Variants in STC2 observed in about 807,000 individuals in gnomAD.
The protein encoded by STC2 is stanniocalcin-2.
Under a neutral mutation model 22.7 loss-of-function variants are expected in STC2, and 7 were observed. The ratio of observed to expected loss-of-function variants is 0.31; its 90% CI spans 0.18 to 0.58. The LOEUF is 0.58. STC2 is among the 20% of genes least tolerant of loss of function. STC2 has a pLI of 0.89. For synonymous variants in STC2, 158 were observed against 163.4 expected, an observed-to-expected ratio of 0.97 and a Z score of 0.25; for missense variants, 336 against 406.2, an observed-to-expected ratio of 0.83 and a Z score of 1.48.
intron 3 of STC2, among the ~76,000 whole-genome samples, chr5:173,321,114 G>A (rs1403126223): frequency 6.6e-6 from 1 of 152,026 alleles, no homozygotes; most frequent in Admixed American, 6.6e-5. Context: ...AGCAGGCTGG[G>A]GTGGGGGGTC....
At position 173,316,973 on chromosome 5, in the gene STC2, T is replaced by C. The variant is rs1762428581; in HGVS notation, c.*874A>G. 1.3e-5 allele frequency: 2 copies of C among 151,680 alleles called. No individual in the cohort carries two copies. The allele number at this position is 151,680 out of a possible 1,614,324, so 9.4% of individuals were successfully genotyped here. On this transcript the variant is annotated 3_prime_UTR_variant, in exon 4 of 4. Coordinates refer to ENST00000265087, the MANE Select transcript of STC2 (RefSeq NM_003714.3). ...TGTCGCTGTTTGATAGCTTTTAAAA[T>C]AGAACTTAAAAAAAAGAAAAATCAG...
intron 1 of STC2, chr5:173,326,777 A>C (rs960643351): frequency 6.6e-6 from 1 of 152,198 alleles, no homozygotes; most frequent in Non-Finnish European, 1.5e-5. Flanking sequence ...TGTGGCCCCC[A>C]GTCCTCTCTC....
At chr5:173,326,732 G>T (rs149449270) in intron 1 of STC2, 1 of 152,022 alleles carries the variant, frequency 6.6e-6, no homozygotes, top group Non-Finnish European at 1.5e-5. Flanking sequence ...TAGAATTCCC[G>T]CAGCCCGGGA....
intron 2 of STC2, among the ~76,000 whole-genome samples, chr5:173,324,646 T>C (rs186534478): frequency 1.3e-5 from 2 of 152,312 alleles, no homozygotes; most frequent in African/African-American, 4.8e-5. Context: ...GTGCTGAGCA[T>C]CAACTTGAAA....
chr5:173,323,228 A>T lies in STC2; in HGVS notation c.497T>A (p.Leu166Gln). Reference sequence around the variant, plus strand: ...GCGGGGCAGTACTCACTCGTGCAGCAGCAAGTCCTTGAAATGGATCATCTC... The same window carrying T: ...GCGGGGCAGTACTCACTCGTGCAGCTGCAAGTCCTTGAAATGGATCATCTC... ...IVEMIHFKDL[L>Q]LHEPYVDLVN... Residue 166 changes from leucine (L) to glutamine (Q), a missense_variant, in exon 3 of 4, where the codon CTG (leucine) becomes CAG (glutamine). By Grantham distance (113) the Leu-to-Gln change is moderately radical (BLOSUM62 -2). This residue lies in a region of STC2 where 215 missense variants were observed against 231.5 expected (regional missense o/e 0.93). Coordinates refer to ENST00000265087, the MANE Select transcript of STC2 (RefSeq NM_003714.3). This position sits in a 1 kb window ranked among gnomAD's most constrained non-coding sequence, Gnocchi z 5.4. The T allele has an allele frequency of 6.2e-7, 1 of 1,614,190 alleles. No individual in the cohort carries two copies. Among genetic ancestry groups the T allele is most frequent in the South Asian group, 1.1e-5 (1 of 91,078 alleles).
rs199859079 is a variant in STC2, at chr5:173,326,010, G to A, written c.152C>T (p.Ala51Val). 43 of 1,613,896 alleles carry A rather than the reference G, an allele frequency of 2.7e-5. No individual in the cohort carries two copies. The highest frequency in any genetic ancestry group is 8.3e-5 in the Admixed American group (5 of 60,004). ...QKGRLSLQNT[A>V]EIQHCLVNAG... ...GTTGACCAAACAGTGCTGGATCTCC[G>A]CTAAAAGGAAAATCACATACAAATA... Residue 51 changes from alanine to valine, a missense_variant and splice_region_variant, in exon 2 of 4, where the codon GCG (alanine) becomes GTG (valine). By Grantham distance (64) the Ala-to-Val change is moderately conservative (BLOSUM62 0). Coordinates refer to ENST00000265087, the MANE Select transcript of STC2 (RefSeq NM_003714.3).
At chr5:173,322,583 G>A (rs1762500613) in intron 3 of STC2, among the ~76,000 whole-genome samples, 1 of 152,194 alleles carries the variant, frequency 6.6e-6, no homozygotes, top group Non-Finnish European at 1.5e-5. Flanking sequence ...ACCTTCTAAG[G>A]GAAAGGAAAG....
intron 3 of STC2, among the ~76,000 whole-genome samples, chr5:173,319,951 G>A (rs764345077): frequency 6.6e-6 from 1 of 152,234 alleles, no homozygotes; most frequent in Non-Finnish European, 1.5e-5. Flanking sequence ...AGGTGGGCAG[G>A]TGGGCATGCA....
intron 3 of STC2, among the ~76,000 whole-genome samples, chr5:173,320,504 G>A (rs1461901003): frequency 6.6e-6 from 1 of 152,188 alleles, no homozygotes; most frequent in African/African-American, 2.4e-5. Flanking sequence ...GTGTCAGCAA[G>A]CCTAAAGGAT....
At chr5:173,319,894 C>A (rs554911225) in intron 3 of STC2, among the ~76,000 whole-genome samples, 1 of 152,328 alleles carries the variant, frequency 6.6e-6, no homozygotes, top group East Asian at 1.9e-4. Context: ...CTAAGGCAGG[C>A]CCCTGACAGC....
rs1297669658 is a variant in STC2 at position 173,325,858 on chromosome 5, G to A, written c.294+10C>T. On this transcript the variant is annotated intron_variant, in intron 2 of 3. Transcript: ENST00000265087. The surrounding 1 kb of genome is among the most constrained non-coding windows in gnomAD (Gnocchi z 4.7). ...CCCAAACATTCTTCATGCTCTGGAT[G>A]GATTTTTACCTGGGCATCAAATTTT... 6 of 1,614,082 alleles carry A rather than the reference G, an allele frequency of 3.7e-6. No homozygotes were observed. The South Asian group carries it at 5.5e-5, about 15-fold the overall frequency.
intron 1 of STC2, 33 bp downstream of exon 1, chr5:173,328,009 AG>A: frequency 7.0e-7 from 1 of 1,433,338 alleles, no homozygotes; most frequent in Non-Finnish European, 9.2e-7. Context: ...GTCCTCTCCC[AG>A]TAGCTCCCGG....
At position 173,325,275 on chromosome 5, in the gene STC2, G is replaced by A. The variant is rs1200190733; in HGVS notation, c.294+593C>T. Among the ~76,000 whole-genome samples the A allele has an allele frequency of 6.6e-6, 1 of 152,188 alleles. No individual in the cohort carries two copies. The highest frequency in any genetic ancestry group is 2.4e-5 in the African/African-American group (1 of 41,440). On this transcript the variant is annotated intron_variant, in intron 2 of 3. Coordinates refer to ENST00000265087, the MANE Select transcript of STC2 (RefSeq NM_003714.3). This position sits in a 1 kb window ranked among gnomAD's most constrained non-coding sequence, Gnocchi z 4.7. ...CTGCCTTGCCCTGAGCAGCAACTCC[G>A]CGTTCCCCTTGGGACCCTGGGATAA...
chr5:173,324,678 C>T (rs761420005), intron 2 of STC2, among the ~76,000 whole-genome samples: 4 of 152,148 alleles, frequency 2.6e-5, no homozygotes, highest in East Asian at 1.9e-4. Flanking sequence ...AACTTGAGAA[C>T]GTATTCCTGT....
Position 173,317,778 on chromosome 5 carries a change from GT to G in STC2, c.*68del. 1 of 1,493,668 alleles carries G rather than the reference GT, an allele frequency of 6.7e-7. No individual in the cohort carries two copies. Among genetic ancestry groups the G allele is most frequent in the Non-Finnish European group, 8.9e-7 (1 of 1,118,820 alleles). The allele number at this position is 1,493,668 out of a possible 1,614,324, so 92.5% of individuals were successfully genotyped here. ...ACATCCCCCCTCTCTAATGGTAAAT[GT>G]TTTGGAATGTCCATAGATAAGAAAA... is the stretch of plus-strand genomic sequence containing the variant. On this transcript the variant is annotated 3_prime_UTR_variant, in exon 4 of 4. Coordinates refer to ENST00000265087, the MANE Select transcript of STC2 (RefSeq NM_003714.3).
In STC2 at chr5:173,317,930, C is replaced by A. The variant is rs137947483; in HGVS notation, c.826G>T (p.Val276Phe). ...GGTCCCTGAGCCCCAAGGCCCCCGA[C>A]TCTGCCTCGGGCATGGGCGTTTGGG... is the stretch of plus-strand genomic sequence containing the variant. ...SHPNAHARGR[V>F]GGLGAQGPSG... is the part of the protein sequence containing the mutation. Residue 276 changes from valine (V) to phenylalanine (F), a missense_variant, in exon 4 of 4, where the codon GTC becomes TTC. Val to Phe is a conservative substitution (Grantham distance 50, BLOSUM62 -1). This residue lies in a region of STC2 where 215 missense variants were observed against 231.5 expected (regional missense o/e 0.93). Transcript: ENST00000265087. 69 of 1,613,320 alleles carry A rather than the reference C, an allele frequency of 4.3e-5. No homozygotes were observed. The highest frequency in any genetic ancestry group is 5.8e-5 in the Non-Finnish European group (68 of 1,179,800).
chr5:173,323,185 C>T lies in STC2; in HGVS notation c.506+34G>A, dbSNP rs904399927. 1.4e-5 allele frequency: 22 copies of T among 1,609,110 alleles called. No individual in the cohort carries two copies. The highest frequency in any genetic ancestry group is 6.7e-5 in the East Asian group (3 of 44,778). On this transcript the variant is annotated intron_variant, in intron 3 of 3. Transcript: ENST00000265087. This position sits in a 1 kb window ranked among gnomAD's most constrained non-coding sequence, Gnocchi z 5.4. ...ACATTGCCATCCTTGCTGGGTGGCC[C>T]CTTCACCCAGGCCCTCTGCGGGGCA... is the stretch of plus-strand genomic sequence containing the variant.
chr5:173,328,130 C>T lies in STC2; in HGVS notation c.64G>A (p.Ala22Thr), dbSNP rs1488716158. The T allele has an allele frequency of 1.9e-6, 3 of 1,601,408 alleles. No homozygotes were observed. The highest frequency in any genetic ancestry group is 2.3e-5 in the South Asian group (2 of 88,306). Residue 22 changes from alanine (A) to threonine (T), a missense_variant, in exon 1 of 4, where the codon GCG becomes ACG. By Grantham distance (58) the Ala-to-Thr change is moderately conservative. Coordinates refer to ENST00000265087, the MANE Select transcript of STC2 (RefSeq NM_003714.3). ...LALVLATFDP[A>T]RGTDATNPPE... The stretch of plus-strand genomic sequence containing the variant: ...GGGTTGGTGGCGTCGGTCCCCCGCG[C>T]CGGGTCAAAGGTGGCCAACACCAAA...
chr5:173,318,300 G>GA (rs67125584), intron 3 of STC2, 51 bp from the exon 4 acceptor site: 4 of 1,349,006 alleles, frequency 3.0e-6, no homozygotes, highest in African/African-American at 1.5e-5. Flanking sequence ...GAGAGAGAGA[G>GA]GCTGGGAATG....
Sources: gnomAD v4.1 joint callset for allele counts (sites outside exome capture counted in the v4.1 genomes callset) on GRCh38, gnomAD v4.1.1 for gene constraint, gnomAD v4.1.1 regional missense constraint, Gnocchi (gnomAD v3.1) non-coding constraint, MANE v1.5 for transcripts, NCBI Gene and HGNC (gene_info 2026-07-23, HGNC 2026-07-21) for gene names.